The following SDC2 variants were observed in gnomAD, a reference collection of about 807,000 sequenced individuals.
SDC2 encodes the protein syndecan-2.
In SDC2, 13 loss-of-function variants were observed where a neutral mutation model predicts 22.2. The observed-to-expected ratio is 0.59, with a 90% confidence interval of 0.38 to 0.93. The LOEUF (loss-of-function observed/expected upper bound fraction) is 0.93, where lower values mean the gene tolerates loss of function less well. Ranked by LOEUF, SDC2 falls within the 40% of genes least tolerant of loss-of-function variation. SDC2 has a pLI of 0.00. For synonymous variants in SDC2, 94 were observed against 92.8 expected, an observed-to-expected ratio of 1.01 and a Z score of -0.07; for missense variants, 235 against 246.8, an observed-to-expected ratio of 0.95 and a Z score of 0.32.
At chr8:96,499,761 C>CT in intron 1 of SDC2, among the ~76,000 whole-genome samples, 1 of 142,592 alleles carries the variant, frequency 7.0e-6, no homozygotes, top group Non-Finnish European at 1.6e-5. Context: ...CCTCTCTTGG[C>CT]CTTTTTTTTT....
chr8:96,547,997 G>C (rs926984366), intron 1 of SDC2, among the ~76,000 whole-genome samples: 3 of 152,196 alleles, frequency 2.0e-5, no homozygotes, highest in African/African-American at 7.2e-5. Context: ...CCTGGGCTCA[G>C]GCCATCCTGC....
chr8:96,562,065 G>A (rs1017726529), intron 1 of SDC2, among the ~76,000 whole-genome samples: 5 of 152,156 alleles, frequency 3.3e-5, no homozygotes, highest in African/African-American at 9.6e-5. Flanking sequence ...AAAAGTCATC[G>A]CCATACTCAA....
chr8:96,528,709 T>A (rs1813616365), intron 1 of SDC2, among the ~76,000 whole-genome samples: 1 of 152,214 alleles, frequency 6.6e-6, no homozygotes, highest in Admixed American at 6.5e-5. Context: ...AAATTATAAA[T>A]TATATGTCTG....
chr8:96,525,862 G>T (rs1196537787), intron 1 of SDC2, among the ~76,000 whole-genome samples: 1 of 152,110 alleles, frequency 6.6e-6, no homozygotes, highest in Non-Finnish European at 1.5e-5. Flanking sequence ...CTAAGATAAT[G>T]AAAGCCTCCG....
intron 1 of SDC2, among the ~76,000 whole-genome samples, chr8:96,526,716 A>G (rs2130473045): frequency 6.6e-6 from 1 of 152,024 alleles, no homozygotes; most frequent in South Asian, 2.1e-4. Context: ...TGTACTCCTC[A>G]AAGACCAAGC....
chr8:96,544,442 CTT>C (rs369485945), intron 1 of SDC2, among the ~76,000 whole-genome samples: 67 of 152,232 alleles, frequency 4.4e-4, no homozygotes, highest in African/African-American at 1.6e-3. Context: ...ACTTAAAAGA[CTT>C]ATGCTCATCC....
At position 96,593,596 on chromosome 8, in the gene SDC2, G is replaced by A; in HGVS notation, c.172+5G>A. The stretch of plus-strand genomic sequence containing the variant: ...ACGCTTCTGCGTCTGGCTCGGGTAA[G>A]GTGGCTGCTTCTAAACACTGGACCT... On this transcript the variant is annotated splice_donor_5th_base_variant and intron_variant, in intron 2 of 4. Coordinates refer to ENST00000302190, the MANE Select transcript of SDC2 (RefSeq NM_002998.4). The A allele has an allele frequency of 6.3e-7, 1 of 1,583,944 alleles. No individual in the cohort carries two copies. The highest frequency in any genetic ancestry group is 8.7e-7 in the Non-Finnish European group (1 of 1,152,838).
intron 1 of SDC2, among the ~76,000 whole-genome samples, chr8:96,518,510 G>A (rs1305148804): frequency 6.6e-6 from 1 of 151,930 alleles, no homozygotes; most frequent in African/African-American, 2.4e-5. Flanking sequence ...ACAGACGCCC[G>A]CCACCAGGCC....
chr8:96,552,359 C>G (rs904820696), intron 1 of SDC2, among the ~76,000 whole-genome samples: 1 of 152,170 alleles, frequency 6.6e-6, no homozygotes, highest in African/African-American at 2.4e-5. Flanking sequence ...TGTTATTGAT[C>G]TCAGCAAATG....
chr8:96,508,171 C>T (rs547510683), intron 1 of SDC2, among the ~76,000 whole-genome samples: 2 of 152,214 alleles, frequency 1.3e-5, no homozygotes, highest in East Asian at 3.9e-4. Flanking sequence ...GGGCGGGCGC[C>T]TGTGGTCCCA....
chr8:96,564,654 G>T (rs1814267565), intron 1 of SDC2, among the ~76,000 whole-genome samples: 1 of 152,058 alleles, frequency 6.6e-6, no homozygotes, highest in Non-Finnish European at 1.5e-5. Context: ...TTTTATTTGG[G>T]CGTATTTTCT....
At chr8:96,594,972 CAT>C (rs1396760117) in intron 2 of SDC2, among the ~76,000 whole-genome samples, 6 of 152,146 alleles carry the variant, frequency 3.9e-5, no homozygotes, top group Admixed American at 2.6e-4. Flanking sequence ...CCTCCCATGA[CAT>C]GTGGGGATTA....
At chr8:96,540,104 C>A (rs531322374) in intron 1 of SDC2, among the ~76,000 whole-genome samples, 1 of 151,618 alleles carries the variant, frequency 6.6e-6, no homozygotes, top group Admixed American at 6.6e-5. Flanking sequence ...ATATGAAAAT[C>A]ATCTATGATT....
At chr8:96,514,078 G>A (rs1013920303) in intron 1 of SDC2, among the ~76,000 whole-genome samples, 1 of 152,200 alleles carries the variant, frequency 6.6e-6, no homozygotes, top group African/African-American at 2.4e-5. Flanking sequence ...TATAGTTGAA[G>A]GAGTCTGGCA....
chr8:96,497,835 G>T (rs1204729520), intron 1 of SDC2, among the ~76,000 whole-genome samples: 1 of 152,214 alleles, frequency 6.6e-6, no homozygotes, highest in Non-Finnish European at 1.5e-5. Context: ...ATTCTCACTA[G>T]ATTGTCCTTC....
intron 2 of SDC2, among the ~76,000 whole-genome samples, chr8:96,600,653 G>T (rs1387248809): frequency 2.6e-5 from 4 of 152,166 alleles, no homozygotes; most frequent in Non-Finnish European, 5.9e-5. Context: ...AAGAAGATAA[G>T]ATTGATAGGA....
intron 4 of SDC2, 80 bp from the exon 5 acceptor site, chr8:96,609,305 G>A (rs886622352): frequency 5.1e-6 from 6 of 1,168,114 alleles, no homozygotes; most frequent in Non-Finnish European, 7.0e-6. Context: ...AAAAGTGTAA[G>A]TAGATTAGGC....
At chr8:96,527,493 C>G (rs1232842565) in intron 1 of SDC2, among the ~76,000 whole-genome samples, 1 of 152,190 alleles carries the variant, frequency 6.6e-6, no homozygotes, top group African/African-American at 2.4e-5. Flanking sequence ...ACATGCCCGT[C>G]AGTGGCTCCC....
chr8:96,565,885 A>C (rs2016529), intron 1 of SDC2, among the ~76,000 whole-genome samples: 9 of 151,912 alleles, frequency 5.9e-5, no homozygotes. Context: ...GCCAGTTGAC[A>C]TAGCTGCCTT....
Sources: gnomAD v4.1 joint callset for allele counts (sites outside exome capture counted in the v4.1 genomes callset) on GRCh38, gnomAD v4.1.1 for gene constraint, MANE v1.5 for transcripts, NCBI Gene and HGNC (gene_info 2026-07-23, HGNC 2026-07-21) for gene names.